FOXJ3: variants seen among roughly 807,000 people sequenced by gnomAD.
FOXJ3 encodes the protein forkhead box J3, also known as forkhead box protein J3.
Under a neutral mutation model 76.1 loss-of-function variants are expected in FOXJ3, and 22 were observed. That is an observed-to-expected ratio of 0.29 (90% confidence interval 0.21 to 0.41). The LOEUF is 0.41. FOXJ3 is among the 10% of genes least tolerant of loss of function. The pLI, the probability that FOXJ3 is intolerant of heterozygous loss-of-function variation, is 1.00. For synonymous variants in FOXJ3, 269 were observed against 261.2 expected (o/e 1.03, Z -0.29); for missense variants, 613 against 762.1 (o/e 0.80, Z 2.30).
At chr1:42,324,356 CATAT>C (rs200871735) in intron 1 of FOXJ3, among the ~76,000 whole-genome samples, 1 of 144,234 alleles carries the variant, frequency 6.9e-6, no homozygotes, top group Non-Finnish European at 1.5e-5. Context: ...CTATACATAA[CATAT>C]ATACTATATA....
At chr1:42,239,809 C>A (rs1448096534) in intron 4 of FOXJ3, among the ~76,000 whole-genome samples, 2 of 152,134 alleles carry the variant, frequency 1.3e-5, no homozygotes, top group African/African-American at 4.8e-5. Flanking sequence ...TTATAAATTC[C>A]AAGTAGAATG....
At chr1:42,333,345 GT>G (rs568410365) in intron 1 of FOXJ3, among the ~76,000 whole-genome samples, 1 of 151,656 alleles carries the variant, frequency 6.6e-6, no homozygotes, top group African/African-American at 2.4e-5. Context: ...GAAACATTAA[GT>G]TTTTTTATTT....
chr1:42,285,967 C>A (rs1451864980), intron 2 of FOXJ3, among the ~76,000 whole-genome samples: 1 of 152,146 alleles, frequency 6.6e-6, no homozygotes, highest in Non-Finnish European at 1.5e-5. Flanking sequence ...ATGAAAGGGA[C>A]TGTATCCAGA....
chr1:42,248,205 G>A (rs566641004), intron 4 of FOXJ3, among the ~76,000 whole-genome samples: 2 of 152,224 alleles, frequency 1.3e-5, no homozygotes, highest in South Asian at 2.1e-4. Flanking sequence ...GCACAACTTT[G>A]CAATTATAAT....
chr1:42,300,223 T>C (rs763343593), intron 2 of FOXJ3, among the ~76,000 whole-genome samples: 3 of 152,108 alleles, frequency 2.0e-5, no homozygotes, highest in African/African-American at 7.2e-5. Flanking sequence ...GACAGAGATA[T>C]AGATATGTGA....
chr1:42,314,202 T>G (rs977801129), intron 1 of FOXJ3, among the ~76,000 whole-genome samples: 3 of 152,182 alleles, frequency 2.0e-5, no homozygotes, highest in Non-Finnish European at 4.4e-5. Context: ...GTAAACTGGT[T>G]AGTACATAGA....
intron 2 of FOXJ3, among the ~76,000 whole-genome samples, chr1:42,282,313 T>C (rs967721219): frequency 2.6e-5 from 4 of 152,156 alleles, no homozygotes; most frequent in Non-Finnish European, 4.4e-5. Flanking sequence ...ATCCAGTCCA[T>C]GCATACACTC....
intron 11 of FOXJ3, among the ~76,000 whole-genome samples, chr1:42,186,120 T>G (rs1327175537): frequency 6.6e-6 from 1 of 152,032 alleles, no homozygotes; most frequent in Admixed American, 6.5e-5. Context: ...ATTACTGGGG[T>G]GCAGAGATGA....
intron 4 of FOXJ3, among the ~76,000 whole-genome samples, chr1:42,245,923 T>TC (rs965415437): frequency 6.6e-6 from 1 of 151,372 alleles, no homozygotes; most frequent in African/African-American, 2.4e-5. Context: ...TCCTAAAGAC[T>TC]CCCCCAAAAA....
rs561069737 is a variant in FOXJ3 at position 42,281,887 on chromosome 1, C to T, written c.45-3215G>A. Among the ~76,000 whole-genome samples the T allele has an allele frequency of 5.3e-5, 8 of 152,068 alleles. 1 individual carries two copies. In the South Asian group the frequency reaches 6.2e-4, roughly 12 times the overall value. On this transcript the variant is annotated intron_variant, in intron 2 of 12. Transcript: ENST00000361346. ...CAGTCTGACCAACATGGTGAAACCC[C>T]GTCTCTACTAAAAATACAAAAATTA...
intron 4 of FOXJ3, 31 bp from the exon 5 acceptor site, chr1:42,227,997 A>G (rs1483762401): frequency 8.8e-7 from 1 of 1,134,630 alleles, no homozygotes; most frequent in Non-Finnish European, 1.3e-6. Flanking sequence ...TTAACAGTAT[A>G]TTACAGCAAA....
intron 4 of FOXJ3, among the ~76,000 whole-genome samples, chr1:42,235,131 G>A (rs763503405): frequency 1.8e-4 from 27 of 152,150 alleles, no homozygotes; most frequent in African/African-American, 3.1e-4. Context: ...CCTTGCTGCC[G>A]CCTTGCAGTT....
At chr1:42,184,211 T>C (rs1457334569) in intron 11 of FOXJ3, among the ~76,000 whole-genome samples, 1 of 152,114 alleles carries the variant, frequency 6.6e-6, no homozygotes, top group Non-Finnish European at 1.5e-5. Context: ...TCCCTGTCTC[T>C]GTCCTTCAAA....
intron 5 of FOXJ3, among the ~76,000 whole-genome samples, chr1:42,211,535 C>G (rs920437901): frequency 2.6e-5 from 4 of 151,870 alleles, no homozygotes; most frequent in African/African-American, 9.7e-5. Flanking sequence ...ACTTTGCCCA[C>G]CACTGGGGTA....
At chr1:42,301,849 G>A (rs1207226277) in intron 2 of FOXJ3, among the ~76,000 whole-genome samples, 2 of 152,032 alleles carry the variant, frequency 1.3e-5, no homozygotes, top group African/African-American at 4.8e-5. Context: ...AAGAGTTAGT[G>A]TGATCCTTCT....
At chr1:42,300,449 G>A (rs1330995634) in intron 2 of FOXJ3, among the ~76,000 whole-genome samples, 1 of 152,010 alleles carries the variant, frequency 6.6e-6, no homozygotes, top group African/African-American at 2.4e-5. Context: ...TCTCCTTCAT[G>A]TACAAAGCTT....
At chr1:42,279,046 G>A (rs1224573061) in intron 2 of FOXJ3, among the ~76,000 whole-genome samples, 5 of 152,136 alleles carry the variant, frequency 3.3e-5, no homozygotes, top group African/African-American at 4.8e-5. Flanking sequence ...ACCACCACAA[G>A]CCGTTAAAAG....
chr1:42,219,745 A>G (rs1647142081), intron 5 of FOXJ3, among the ~76,000 whole-genome samples: 1 of 152,192 alleles, frequency 6.6e-6, no homozygotes, highest in Non-Finnish European at 1.5e-5. Context: ...TTTGACACAA[A>G]GAAAGACCTG....
intron 1 of FOXJ3, among the ~76,000 whole-genome samples, chr1:42,327,258 A>G (rs941026302): frequency 2.0e-5 from 3 of 152,206 alleles, no homozygotes; most frequent in African/African-American, 7.2e-5. Context: ...TACACAGGGT[A>G]GACAAGTAAG....
Sources: allele counts gnomAD v4.1 joint callset (sites outside exome capture counted in the v4.1 genomes callset), GRCh38; gene constraint gnomAD v4.1.1; transcripts MANE v1.5; gene names NCBI Gene and HGNC (gene_info 2026-07-23, HGNC 2026-07-21).